FAM171A1: variants seen among roughly 807,000 people sequenced by gnomAD.
The protein encoded by FAM171A1 is family with sequence similarity 171 member A1.
In FAM171A1, 23 loss-of-function variants were observed where a neutral mutation model predicts 74.9. The ratio of observed to expected loss-of-function variants is 0.31; its 90% CI spans 0.22 to 0.44. The LOEUF is 0.44. Ranked by LOEUF, FAM171A1 falls within the 20% of genes least tolerant of loss-of-function variation. The pLI is 1.00. For missense variants in FAM171A1, 1,162 were observed against 1,159.2 expected (o/e 1.00, Z -0.03); for synonymous variants, 527 against 505.7 (o/e 1.04, Z -0.57).
chr10:15,292,463 T>C (rs185801869), intron 1 of FAM171A1, among the ~76,000 whole-genome samples: 91 of 152,304 alleles, frequency 6.0e-4, no homozygotes, highest in African/African-American at 2.1e-3. Context: ...TATTAGGTTA[T>C]ATTATTTCCC....
chr10:15,355,018 A>C (rs1428704536), intron 1 of FAM171A1, among the ~76,000 whole-genome samples: 2 of 152,246 alleles, frequency 1.3e-5, no homozygotes, highest in African/African-American at 4.8e-5. Flanking sequence ...TCAATACATT[A>C]ATGACTCAAA....
intron 5 of FAM171A1, 124 bp downstream of exon 5, chr10:15,248,515 G>A (rs1337569228): frequency 2.0e-6 from 2 of 1,004,484 alleles, no homozygotes; most frequent in Non-Finnish European, 2.8e-6. Context: ...ACCACACAAT[G>A]CAATGTGAGC....
At chr10:15,333,345 C>T (rs1387199744) in intron 1 of FAM171A1, among the ~76,000 whole-genome samples, 3 of 151,974 alleles carry the variant, frequency 2.0e-5, no homozygotes, top group Non-Finnish European at 4.4e-5. Flanking sequence ...ACTAAAAATG[C>T]AAAAATTAGC....
At chr10:15,309,563 C>T (rs45586036) in intron 1 of FAM171A1, among the ~76,000 whole-genome samples, 49,868 of 152,210 alleles carry the variant, frequency 0.33, 8,740 homozygotes, top group African/African-American at 0.45. Flanking sequence ...GAGCTGAACA[C>T]TGGCTCACAA....
intron 6 of FAM171A1, among the ~76,000 whole-genome samples, chr10:15,216,328 T>C (rs1473829807): frequency 6.6e-6 from 1 of 152,244 alleles, no homozygotes; most frequent in East Asian, 1.9e-4. Flanking sequence ...CAGGAGAACT[T>C]TGAATACTCA....
At chr10:15,336,983 C>T (rs1410223386) in intron 1 of FAM171A1, among the ~76,000 whole-genome samples, 1 of 151,792 alleles carries the variant, frequency 6.6e-6, no homozygotes, top group African/African-American at 2.4e-5. Context: ...CAGCCTCGAT[C>T]TCTTGGGCTC....
chr10:15,337,045 T>TTA (rs755207003), intron 1 of FAM171A1, among the ~76,000 whole-genome samples: 41 of 139,852 alleles, frequency 2.9e-4, no homozygotes, highest in African/African-American at 6.4e-4. Context: ...CAGTTGGCTA[T>TTA]TTTTTTTTTT....
chr10:15,295,073 G>A (rs899043522), intron 1 of FAM171A1, among the ~76,000 whole-genome samples: 3 of 152,092 alleles, frequency 2.0e-5, no homozygotes, highest in East Asian at 1.9e-4. Flanking sequence ...CTGCCACCAT[G>A]CCCAGCTAAC....
intron 1 of FAM171A1, among the ~76,000 whole-genome samples, chr10:15,295,754 C>G (rs529325216): frequency 4.6e-5 from 7 of 152,316 alleles, no homozygotes; most frequent in African/African-American, 1.7e-4. Flanking sequence ...ACCAAGCAGG[C>G]CATGCAAATG....
At chr10:15,228,594 G>C (rs1295334669) in intron 5 of FAM171A1, among the ~76,000 whole-genome samples, 2 of 152,172 alleles carry the variant, frequency 1.3e-5, no homozygotes, top group Non-Finnish European at 2.9e-5. Flanking sequence ...TCCTCCTCCT[G>C]CCTCTTCCTC....
chr10:15,299,074 C>T (rs904782987), intron 1 of FAM171A1, among the ~76,000 whole-genome samples: 2 of 152,130 alleles, frequency 1.3e-5, no homozygotes, highest in Admixed American at 6.5e-5. Flanking sequence ...GCACGCACCA[C>T]CACGCCCGGT....
intron 1 of FAM171A1, among the ~76,000 whole-genome samples, chr10:15,351,580 G>GATGGATGGATGGATGC (rs71374612): frequency 0.068 from 10,266 of 150,052 alleles, 480 homozygotes; most frequent in Middle Eastern, 0.11. Context: ...TGGATGGATG[G>GATGGATGGATGGATGC]ATGGATGGAT....
intron 5 of FAM171A1, among the ~76,000 whole-genome samples, chr10:15,236,991 G>T (rs1270548514): frequency 1.3e-5 from 2 of 152,182 alleles, no homozygotes; most frequent in African/African-American, 4.8e-5. Context: ...TACTTGGGAG[G>T]CTGAGGCAGG....
chr10:15,224,304 G>A (rs188554769), intron 5 of FAM171A1, among the ~76,000 whole-genome samples: 1 of 152,142 alleles, frequency 6.6e-6, no homozygotes, highest in Non-Finnish European at 1.5e-5. Context: ...AAGTGGGGAT[G>A]GGAGCACAGA....
At chr10:15,345,138 G>A (rs1835804224) in intron 1 of FAM171A1, among the ~76,000 whole-genome samples, 1 of 152,208 alleles carries the variant, frequency 6.6e-6, no homozygotes, top group Admixed American at 6.5e-5. Flanking sequence ...GGGAGGTGAG[G>A]GGAAGACACA....
At chr10:15,222,972 G>A (rs1248108489) in intron 5 of FAM171A1, among the ~76,000 whole-genome samples, 1 of 152,200 alleles carries the variant, frequency 6.6e-6, no homozygotes, top group African/African-American at 2.4e-5. Context: ...TTCCTGAAGC[G>A]CACCCTCCTA....
chr10:15,314,187 G>A (rs1835396721), intron 1 of FAM171A1, among the ~76,000 whole-genome samples: 2 of 152,116 alleles, frequency 1.3e-5, no homozygotes, highest in South Asian at 4.2e-4. Context: ...CAAAACAGGA[G>A]GCACGTCGTG....
At chr10:15,304,493 C>G (rs183896512) in intron 1 of FAM171A1, among the ~76,000 whole-genome samples, 67 of 152,274 alleles carry the variant, frequency 4.4e-4, no homozygotes, top group Non-Finnish European at 7.4e-4. Flanking sequence ...TCCTCTGCCC[C>G]AGAACCCATC....
At chr10:15,219,981 G>A (rs1834016985) in intron 6 of FAM171A1, among the ~76,000 whole-genome samples, 1 of 152,214 alleles carries the variant, frequency 6.6e-6, no homozygotes, top group Admixed American at 6.5e-5. Context: ...GTTTAGGAAA[G>A]ACCTCCATCA....
Sources: gnomAD v4.1 joint callset for allele counts (sites outside exome capture counted in the v4.1 genomes callset) on GRCh38, gnomAD v4.1.1 for gene constraint, MANE v1.5 for transcripts, NCBI Gene and HGNC (gene_info 2026-07-23, HGNC 2026-07-21) for gene names.